HOXD11: variants seen among roughly 807,000 people sequenced by gnomAD.
HOXD11 encodes homeobox D11.
Under a neutral mutation model 23.1 loss-of-function variants are expected in HOXD11, and 16 were observed. That is an observed-to-expected ratio of 0.69 (90% CI 0.47 to 1.05). HOXD11 has a LOEUF of 1.05. Among genes scored for constraint, HOXD11 ranks in the 50% least tolerant of loss-of-function variants. The pLI, the probability that HOXD11 is intolerant of heterozygous loss-of-function variation, is 0.00. For synonymous variants in HOXD11, 262 were observed against 224.4 expected (o/e 1.17, Z -1.50); for missense variants, 564 against 495.6 (o/e 1.14, Z -1.31).
At chr2:176,108,877 C>T (rs746021751) in intron 1 of HOXD11, 30 bp from the exon 2 acceptor site, 22 of 1,537,966 alleles carry the variant, frequency 1.4e-5, no homozygotes, top group Admixed American at 1.2e-4. Flanking sequence ...GCAGCGGCCT[C>T]TCTCACCCCC....
chr2:176,111,153 A>G (rs942567821), downstream of HOXD11, among the ~76,000 whole-genome samples: 9 of 152,226 alleles, frequency 5.9e-5, no homozygotes, highest in African/African-American at 1.7e-4. Context: ...GAAAGATGCA[A>G]TGGAAACAAA....
At chr2:176,111,264 A>G (rs542617713), downstream of HOXD11, 1 of 151,556 alleles carries the variant, frequency 6.6e-6, no homozygotes, top group Non-Finnish European at 1.5e-5. Context: ...CCATGAGCTT[A>G]AAACTGTTTT....
Position 176,109,625 on chromosome 2 carries a change from G to C in HOXD11, c.*483G>C, listed in dbSNP as rs1402321100. On this transcript the variant is annotated 3_prime_UTR_variant, in exon 2 of 2. Transcript: ENST00000249504. ...CTGTCTTTTTTTGTGTGAATAAATG[G>C]TTTCTAGTAAAATGGAGGTTACAGC... The C allele has an allele frequency of 4.5e-6, 1 of 222,090 alleles. No homozygotes were observed. The highest frequency in any genetic ancestry group is 9.0e-6 in the Non-Finnish European group (1 of 111,234). The allele number at this position is 222,090 out of a possible 1,614,324, so 13.8% of individuals were successfully genotyped here. A position where few individuals can be genotyped will look rare whatever the true frequency, so the allele number is the denominator to read the frequency against.
rs1689606130 is a variant in HOXD11 at position 176,107,872 on chromosome 2, A to T, written c.517A>T (p.Ile173Phe). The T allele has an allele frequency of 1.4e-6, 2 of 1,453,530 alleles. No homozygotes were observed. Among genetic ancestry groups the T allele is most frequent in the Non-Finnish European group, 1.8e-6 (2 of 1,100,764 alleles). 90.0% of individuals were successfully genotyped at this position (1,453,530 alleles called of 1,614,324 possible). A position where few individuals can be genotyped will look rare whatever the true frequency, so the allele number is the denominator to read the frequency against. ...NFYSAVGRNG[I>F]LPQGFDQFYE... is the part of the protein sequence containing the mutation. ...CTACAGCGCGGTGGGCCGCAATGGC[A>T]TCTTGCCACAGGGCTTCGACCAGTT... Residue 173 changes from isoleucine to phenylalanine, a missense_variant, in exon 1 of 2, where the codon ATC (isoleucine) becomes TTC (phenylalanine). Ile to Phe is a conservative substitution (Grantham distance 21, BLOSUM62 0). Coordinates refer to ENST00000249504, the MANE Select transcript of HOXD11 (RefSeq NM_021192.3).
Position 176,109,032 on chromosome 2 carries a change from C to A in HOXD11, c.907C>A (p.Leu303Ile). 6.2e-7 allele frequency: 1 copy of A among 1,614,038 alleles called. No homozygotes were observed. The highest frequency in any genetic ancestry group is 8.5e-7 in the Non-Finnish European group (1 of 1,179,846). Residue 303 changes from leucine to isoleucine, a missense_variant, in exon 2 of 2, where the codon CTC (leucine) becomes ATC (isoleucine). Transcript: ENST00000249504. ...GAAAAGACTTCAACTCTCTCGGATG[C>A]TCAACCTCACTGACCGGCAAGTCAA... ...KEKRLQLSRM[L>I]NLTDRQVKIW...
rs1485612214 is a variant in HOXD11 at position 176,107,874 on chromosome 2, C to T, written c.519C>T (p.Ile173=). ...NFYSAVGRNG[I]LPQGFDQFYE... ...ACAGCGCGGTGGGCCGCAATGGCATCTTGCCACAGGGCTTCGACCAGTTCT... is the reference window on the plus strand; with the variant it reads ...ACAGCGCGGTGGGCCGCAATGGCATTTTGCCACAGGGCTTCGACCAGTTCT... Residue 173 remains isoleucine (I), a synonymous_variant, in exon 1 of 2, where the codon ATC becomes ATT. Coordinates refer to ENST00000249504, the MANE Select transcript of HOXD11 (RefSeq NM_021192.3). The T allele has an allele frequency of 4.1e-6, 6 of 1,454,046 alleles. No homozygotes were observed. In the South Asian group the frequency reaches 8.0e-5, roughly 19 times the overall value. The allele number at this position is 1,454,046 out of a possible 1,614,324, so 90.1% of individuals were successfully genotyped here.
At chr2:176,111,826 C>CAAAAAAAAAAAAA (rs1176283938), downstream of HOXD11, among the ~76,000 whole-genome samples, 243 of 22,746 alleles carry the variant, frequency 0.011, 54 homozygotes, top group African/African-American at 0.026. Flanking sequence ...CTCCCCCCCG[C>CAAAAAAAAAAAAA]AAAAAAAAAA....
chr2:176,108,788 G>A (rs1171394464), intron 1 of HOXD11, 119 bp from the exon 2 acceptor site: 7 of 664,942 alleles, frequency 1.1e-5, no homozygotes, highest in Middle Eastern at 4.1e-4. Flanking sequence ...TTTCGGCCGC[G>A]GCAGAGAACG....
the HOXD11 span, among the ~76,000 whole-genome samples, chr2:176,115,415 A>G: frequency 3.9e-5 from 6 of 152,314 alleles, no homozygotes; most frequent in African/African-American, 1.4e-4. Context: ...CAGCGAAGGG[A>G]AAAAAATCAA....
At chr2:176,112,911 T>G (rs1437528441), downstream of HOXD11, among the ~76,000 whole-genome samples, 1 of 152,160 alleles carries the variant, frequency 6.6e-6, no homozygotes, top group African/African-American at 2.4e-5. Context: ...CCCACCCCCA[T>G]CTTACAAAGT....
At chr2:176,110,551 TA>T (rs1439382301), downstream of HOXD11, among the ~76,000 whole-genome samples, 1 of 152,164 alleles carries the variant, frequency 6.6e-6, no homozygotes, top group Non-Finnish European at 1.5e-5. Flanking sequence ...AAAATGCAAT[TA>T]AAAAAATTGC....
intron 1 of HOXD11, 187 bp from the exon 2 acceptor site, chr2:176,108,720 C>T: frequency 1.7e-6 from 1 of 590,010 alleles, no homozygotes; most frequent in Admixed American, 3.0e-5. Flanking sequence ...CACATGTCCA[C>T]GCCCGCACTC....
chr2:176,110,939 G>A (rs1253131260), downstream of HOXD11, among the ~76,000 whole-genome samples: 1 of 152,206 alleles, frequency 6.6e-6, no homozygotes, highest in Non-Finnish European at 1.5e-5. Context: ...AATTCTGGCG[G>A]GGGGTCTTAA....
chr2:176,108,176 C>T (rs1689613750), intron 1 of HOXD11, 40 bp downstream of exon 1: 5 of 99,008 alleles, frequency 5.1e-5, no homozygotes, highest in Non-Finnish European at 6.5e-5. Flanking sequence ...GCCCGGGGGC[C>T]GCGGGGGAGG....
chr2:176,107,666 C>A lies in HOXD11; in HGVS notation c.311C>A (p.Ala104Asp). ...GGGGGGAGGYAPYYAAAAAAA... is the reference protein window; with the variant it reads ...GGGGGGAGGYDPYYAAAAAAA... ...GGCGGCGGCGGCGCGGGGGGCTACG[C>A]TCCCTACTACGCGGCGGCGGCGGCG... Residue 104 changes from alanine to aspartate, a missense_variant, in exon 1 of 2, where the codon GCT becomes GAT. Coordinates refer to ENST00000249504, the MANE Select transcript of HOXD11 (RefSeq NM_021192.3). 1 of 980,244 alleles carries A rather than the reference C, an allele frequency of 1.0e-6. No homozygotes were observed. Among genetic ancestry groups the A allele is most frequent in the Non-Finnish European group, 1.2e-6 (1 of 826,882 alleles). 60.7% of individuals were successfully genotyped at this position (980,244 alleles called of 1,614,324 possible).
Position 176,107,911 on chromosome 2 carries a change from C to A in HOXD11, c.556C>A (p.Pro186Thr). 2 of 1,431,466 alleles carry A rather than the reference C, an allele frequency of 1.4e-6. No individual in the cohort carries two copies. The highest frequency in any genetic ancestry group is 1.8e-6 in the Non-Finnish European group (2 of 1,091,656). 88.7% of individuals were successfully genotyped at this position (1,431,466 alleles called of 1,614,324 possible). Residue 186 changes from proline (P) to threonine (T), a missense_variant, in exon 1 of 2, where the codon CCC (proline) becomes ACC (threonine). Coordinates refer to ENST00000249504, the MANE Select transcript of HOXD11 (RefSeq NM_021192.3). ...CTTCGACCAGTTCTACGAGGCAGCGCCCGGGCCCCCGTTCGCCGGGCCGCA... is the reference window on the plus strand; with the variant it reads ...CTTCGACCAGTTCTACGAGGCAGCGACCGGGCCCCCGTTCGCCGGGCCGCA... ...QGFDQFYEAA[P>T]GPPFAGPQPP...
Position 176,107,980 on chromosome 2 carries a change from G to T in HOXD11, c.625G>T (p.Asp209Tyr), listed in dbSNP as rs1300753144. 1.4e-6 allele frequency: 2 copies of T among 1,452,472 alleles called. No homozygotes were observed. The highest frequency in any genetic ancestry group is 2.4e-4 in the Middle Eastern group (1 of 4,104). 90.0% of individuals were successfully genotyped at this position (1,452,472 alleles called of 1,614,324 possible). Residue 209 changes from aspartate to tyrosine, a missense_variant, in exon 1 of 2, where the codon GAC (aspartate) becomes TAC (tyrosine). By Grantham distance (160) the Asp-to-Tyr change is radical. Coordinates refer to ENST00000249504, the MANE Select transcript of HOXD11 (RefSeq NM_021192.3). ...PAPPQPEGAA[D>Y]KGDPRTGAGG... is the part of the protein sequence containing the mutation. ...GCCGCCACAGCCCGAGGGCGCAGCC[G>T]ACAAGGGCGACCCCAGGACCGGGGC...
At chr2:176,114,601 C>T (rs534400703), downstream of HOXD11, among the ~76,000 whole-genome samples, 3 of 151,726 alleles carry the variant, frequency 2.0e-5, no homozygotes, top group South Asian at 2.1e-4. Context: ...GTCCCAAGGC[C>T]GAAAATAATG....
rs766418166 is a variant in HOXD11 at position 176,107,554 on chromosome 2, G to C, written c.199G>C (p.Gly67Arg). The stretch of plus-strand genomic sequence containing the variant: ...GCGCGAAGTGGCCTTCCGCGACTAC[G>C]GCCTGGAGCGCGCCAAGTGGCCGTA... Reference protein sequence around the residue: ...PVREVAFRDYGLERAKWPYRG... With the variant: ...PVREVAFRDYRLERAKWPYRG... Residue 67 changes from glycine (G) to arginine (R), a missense_variant, in exon 1 of 2, where the codon GGC (glycine) becomes CGC (arginine). By Grantham distance (125) the Gly-to-Arg change is moderately radical (BLOSUM62 -2). Coordinates refer to ENST00000249504, the MANE Select transcript of HOXD11 (RefSeq NM_021192.3). 6.9e-6 allele frequency: 11 copies of C among 1,596,620 alleles called. No homozygotes were observed. The highest frequency in any genetic ancestry group is 4.7e-5 in the East Asian group (2 of 42,948).
Sources: gnomAD v4.1 joint callset for allele counts (sites outside exome capture counted in the v4.1 genomes callset) on GRCh38, gnomAD v4.1.1 for gene constraint, MANE v1.5 for transcripts, NCBI Gene and HGNC (gene_info 2026-07-23, HGNC 2026-07-21) for gene names.